Variants in SEMA3A observed in about 807,000 individuals in gnomAD.
SEMA3A encodes semaphorin 3A.
In SEMA3A, 29 loss-of-function variants were observed where a neutral mutation model predicts 97.9. The ratio of observed to expected loss-of-function variants is 0.30; its 90% CI spans 0.22 to 0.40. The LOEUF is 0.40. Among genes scored for constraint, SEMA3A ranks in the 10% least tolerant of loss-of-function variants. SEMA3A has a pLI of 1.00. For synonymous variants in SEMA3A, 321 were observed against 323.7 expected, an observed-to-expected ratio of 0.99 and a Z score of 0.09; for missense variants, 763 against 951.3, an observed-to-expected ratio of 0.80 and a Z score of 2.60.
At chr7:84,169,889 A>C (rs1447276043) in intron 1 of SEMA3A, among the ~76,000 whole-genome samples, 2 of 151,898 alleles carry the variant, frequency 1.3e-5, no homozygotes, top group Admixed American at 1.3e-4. Context: ...AGCAGAAAGG[A>C]TATTACTCTC....
At chr7:84,336,026 A>AT (rs2115968081) in intron 2 of SEMA3A, among the ~76,000 whole-genome samples, 1 of 152,222 alleles carries the variant, frequency 6.6e-6, no homozygotes, top group South Asian at 2.1e-4. Context: ...GGTATTTATA[A>AT]TATTGGACAA....
chr7:84,339,264 C>T (rs1406174862), intron 2 of SEMA3A, among the ~76,000 whole-genome samples: 12 of 152,112 alleles, frequency 7.9e-5, no homozygotes. Context: ...AATAGAGGCA[C>T]AATAAGGGAG....
At chr7:84,275,464 A>G (rs1049390070) in intron 3 of SEMA3A, among the ~76,000 whole-genome samples, 6 of 152,108 alleles carry the variant, frequency 3.9e-5, no homozygotes, top group African/African-American at 1.4e-4. Flanking sequence ...TAGCATTTAT[A>G]TTGTGTACCA....
chr7:84,478,515 A>G (rs61621883), intron 1 of SEMA3A, among the ~76,000 whole-genome samples: 4,105 of 152,290 alleles, frequency 0.027, 175 homozygotes, highest in African/African-American at 0.092. Flanking sequence ...GAAATGGAAT[A>G]TATTAACATG....
At chr7:84,399,207 C>T (rs1452287064) in intron 1 of SEMA3A, among the ~76,000 whole-genome samples, 1 of 152,172 alleles carries the variant, frequency 6.6e-6, no homozygotes, top group Non-Finnish European at 1.5e-5. Flanking sequence ...GGAAAAAATT[C>T]TGCCAGTGCC....
chr7:84,051,721 G>A (rs1460228006), intron 5 of SEMA3A, among the ~76,000 whole-genome samples: 1 of 151,938 alleles, frequency 6.6e-6, no homozygotes, highest in Non-Finnish European at 1.5e-5. Flanking sequence ...CTGCCTAATT[G>A]CCCTGGCCAG....
At chr7:84,406,125 A>C (rs1245894684) in intron 1 of SEMA3A, among the ~76,000 whole-genome samples, 1 of 152,166 alleles carries the variant, frequency 6.6e-6, no homozygotes, top group Non-Finnish European at 1.5e-5. Context: ...TTTTTTGAAA[A>C]GATCAACAAA....
At chr7:84,021,540 C>T (rs757050534) in intron 6 of SEMA3A, among the ~76,000 whole-genome samples, 22 of 152,180 alleles carry the variant, frequency 1.4e-4, no homozygotes, top group Non-Finnish European at 2.5e-4. Context: ...CTCCAAACCA[C>T]GTTGTATGGT....
At chr7:84,094,582 G>C (rs1324434165) in intron 4 of SEMA3A, among the ~76,000 whole-genome samples, 1 of 151,950 alleles carries the variant, frequency 6.6e-6, no homozygotes, top group Admixed American at 6.6e-5. Flanking sequence ...ATATAAGATT[G>C]GGAACTGCAG....
chr7:84,002,926 C>T (rs1430571126), intron 11 of SEMA3A, among the ~76,000 whole-genome samples: 1 of 152,070 alleles, frequency 6.6e-6, no homozygotes, highest in Non-Finnish European at 1.5e-5. Context: ...TCCAGTATTA[C>T]AGATATGTTC....
rs186143451 is a variant in SEMA3A at position 84,350,924 on chromosome 7, G to A, written c.-169+20900C>T. 2.4e-4 allele frequency among the ~76,000 whole-genome samples: 37 copies of A among 152,152 alleles called. 2 individuals carry two copies. Among genetic ancestry groups the A allele is most frequent in the East Asian group, 7.7e-4 (4 of 5,172 alleles). On this transcript the variant is annotated intron_variant, in intron 2 of 3. Coordinates refer to the SEMA3A transcript ENST00000424555. ...TCCTTGAAGAGTTGCTTGTGATTGC[G>A]AAGTGTAAAAGTAAGGTGAGTTGTG...
intron 6 of SEMA3A, among the ~76,000 whole-genome samples, chr7:84,044,015 C>G (rs1186439507): frequency 1.3e-5 from 2 of 151,950 alleles, no homozygotes; most frequent in African/African-American, 2.4e-5. Context: ...TATGTTATTC[C>G]ATCTTCTAAT....
At chr7:84,226,331 T>C (rs912245210) in intron 3 of SEMA3A, among the ~76,000 whole-genome samples, 1 of 151,978 alleles carries the variant, frequency 6.6e-6, no homozygotes, top group African/African-American at 2.4e-5. Flanking sequence ...TGTCTTTAAA[T>C]GTACAAGTAG....
At chr7:84,121,565 A>G (rs1795617928) in intron 3 of SEMA3A, among the ~76,000 whole-genome samples, 2 of 145,426 alleles carry the variant, frequency 1.4e-5, no homozygotes, top group Admixed American at 7.1e-5. Flanking sequence ...GCTGCATAGT[A>G]TTCCACGGTG....
At chr7:83,975,604 A>T (rs1157160063) in intron 15 of SEMA3A, among the ~76,000 whole-genome samples, 1 of 152,166 alleles carries the variant, frequency 6.6e-6, no homozygotes, top group East Asian at 1.9e-4. Flanking sequence ...CAATACTCAT[A>T]ATGTTGTATT....
At chr7:84,440,773 A>T (rs1805251973) in intron 1 of SEMA3A, among the ~76,000 whole-genome samples, 1 of 152,212 alleles carries the variant, frequency 6.6e-6, no homozygotes, top group African/African-American at 2.4e-5. Flanking sequence ...AAGGCAGGGA[A>T]TCTCTTTTCT....
rs1269591949 is a variant in SEMA3A, at chr7:83,958,890, A to AG, written c.*2480_*2481insC. ...TCACATGAGTCTCTCAAACAGTTTC[A>AG]TCTCTGATGATTCATGCATATGACA... On this transcript the variant is annotated 3_prime_UTR_variant, in exon 17 of 17. Transcript: ENST00000265362. 3.9e-5 allele frequency: 6 copies of AG among 152,188 alleles called. No homozygotes were observed. The highest frequency in any genetic ancestry group is 8.8e-5 in the Non-Finnish European group (6 of 67,932). 9.4% of individuals were successfully genotyped at this position (152,188 alleles called of 1,614,324 possible).
chr7:84,364,445 C>T lies in SEMA3A; in HGVS notation c.-169+7379G>A, dbSNP rs907159503. Among the ~76,000 whole-genome samples the T allele has an allele frequency of 4.0e-5, 6 of 151,668 alleles. No homozygotes were observed. The East Asian group carries it at 1.2e-3, about 29-fold the overall frequency. On this transcript the variant is annotated intron_variant, in intron 2 of 3. Transcript: ENST00000424555. The stretch of plus-strand genomic sequence containing the variant: ...ATCATTCAAGCTTAGAAATCCATCA[C>T]CCTTTTGGATTACAGCTGTATTTAT...
chr7:84,356,443 T>C (rs1357003923), intron 2 of SEMA3A, among the ~76,000 whole-genome samples: 2 of 151,518 alleles, frequency 1.3e-5, no homozygotes, highest in Non-Finnish European at 3.0e-5. Context: ...TTGTATATTA[T>C]AAGAAAATGG....
Sources: gnomAD v4.1 joint callset for allele counts (sites outside exome capture counted in the v4.1 genomes callset) on GRCh38, gnomAD v4.1.1 for gene constraint, MANE v1.5 for transcripts, NCBI Gene and HGNC (gene_info 2026-07-23, HGNC 2026-07-21) for gene names.